Variants in ERICH5 observed in about 807,000 individuals in gnomAD.
The protein encoded by ERICH5 is glutamate rich 5, also known as glutamate-rich protein 5.
ERICH5 carries 24 observed loss-of-function variants against 28.0 expected under a neutral mutation model. The observed-to-expected ratio is 0.86, with a 90% CI of 0.62 to 1.21. The LOEUF is 1.21. ERICH5 is among the 50% of genes most tolerant of loss of function. ERICH5 has a pLI of 0.00. For synonymous variants in ERICH5, 163 were observed against 157.6 expected, an observed-to-expected ratio of 1.03 and a Z score of -0.25; for missense variants, 421 against 441.2, an observed-to-expected ratio of 0.95 and a Z score of 0.41.
Position 98,085,970 on chromosome 8 carries a change from G to A in ERICH5, c.59-3106G>A, listed in dbSNP as rs373435150. 1.9e-4 allele frequency among the ~76,000 whole-genome samples: 29 copies of A among 152,316 alleles called. No individual in the cohort carries two copies. In the East Asian group the frequency reaches 5.2e-3, roughly 27 times the overall value. On this transcript the variant is annotated intron_variant, in intron 1 of 2. Coordinates refer to ENST00000318528, the MANE Select transcript of ERICH5 (RefSeq NM_173549.3). Reference sequence around the variant, plus strand: ...GTGGTACCAGAGAGCAGAGCCTGTAGTTTTCATCTTTGTACGTAAACTGCT... The same window carrying A: ...GTGGTACCAGAGAGCAGAGCCTGTAATTTTCATCTTTGTACGTAAACTGCT...
chr8:98,074,782 G>C (rs1815019515), intron 1 of ERICH5, among the ~76,000 whole-genome samples: 1 of 152,154 alleles, frequency 6.6e-6, no homozygotes, highest in Non-Finnish European at 1.5e-5. Flanking sequence ...TCTTATGTTA[G>C]TAGGATATGT....
chr8:98,093,454 A>C lies in ERICH5; in HGVS notation c.*121A>C. ...TTTTCTGTAAGGAGTGTGGTTATAG[A>C]GAGACTGTTGGAACCATGAGAAGGA... On this transcript the variant is annotated 3_prime_UTR_variant, in exon 3 of 3. Transcript: ENST00000318528. The C allele has an allele frequency of 1.6e-6, 1 of 614,798 alleles. No individual in the cohort carries two copies. Among genetic ancestry groups the C allele is most frequent in the Non-Finnish European group, 2.8e-6 (1 of 359,184 alleles). 38.1% of individuals were successfully genotyped at this position (614,798 alleles called of 1,614,324 possible). A position where few individuals can be genotyped will look rare whatever the true frequency, so the allele number is the denominator to read the frequency against.
chr8:98,076,677 G>A (rs774374418), intron 1 of ERICH5, among the ~76,000 whole-genome samples: 10 of 152,160 alleles, frequency 6.6e-5, no homozygotes, highest in Non-Finnish European at 7.4e-5. Flanking sequence ...ATATAGGATT[G>A]TTCAATCTAG....
At chr8:98,079,485 T>C (rs1249208385) in intron 1 of ERICH5, among the ~76,000 whole-genome samples, 2 of 152,206 alleles carry the variant, frequency 1.3e-5, no homozygotes, top group African/African-American at 4.8e-5. Context: ...ATGGCCTTTA[T>C]TAACACCAAT....
chr8:98,093,387 TG>T lies in ERICH5; in HGVS notation c.*55del. 8.1e-7 allele frequency: 1 copy of T among 1,230,654 alleles called. No individual in the cohort carries two copies. Among genetic ancestry groups the T allele is most frequent in the East Asian group, 2.4e-5 (1 of 42,422 alleles). The allele number at this position is 1,230,654 out of a possible 1,614,324, so 76.2% of individuals were successfully genotyped here. A position where few individuals can be genotyped will look rare whatever the true frequency, so the allele number is the denominator to read the frequency against. On this transcript the variant is annotated 3_prime_UTR_variant, in exon 3 of 3. Transcript: ENST00000318528. ...ATCATAGAGGAGACAAAAATGGTAG[TG>T]AAGCTTGTGGTTATGTATCTTATCT...
chr8:98,083,021 T>C (rs754958377), intron 1 of ERICH5, among the ~76,000 whole-genome samples: 1 of 152,236 alleles, frequency 6.6e-6, no homozygotes, highest in African/African-American at 2.4e-5. Context: ...AGCTTTTTAT[T>C]GTGGGAGAAA....
In ERICH5 at chr8:98,070,903, A is replaced by G. The variant is rs113104065; in HGVS notation, c.58+6176A>G. On this transcript the variant is annotated intron_variant, in intron 1 of 2. Coordinates refer to ENST00000318528, the MANE Select transcript of ERICH5 (RefSeq NM_173549.3). ...GCTTAGAAAGAGTGTCGGGTTGTGT[A>G]TAGAGCCTCCTAGCTATGCAGGAAA... 3.2e-3 allele frequency among the ~76,000 whole-genome samples: 482 copies of G among 151,718 alleles called. 5 individuals carry two copies. Among genetic ancestry groups the G allele is most frequent in the African/African-American group, 0.011 (461 of 41,382 alleles).
At chr8:98,081,837 A>T (rs1312049622) in intron 1 of ERICH5, among the ~76,000 whole-genome samples, 1 of 151,954 alleles carries the variant, frequency 6.6e-6, no homozygotes. Flanking sequence ...CGGAGGCAGG[A>T]GAATTGCTTG....
chr8:98,076,512 C>A (rs1815058552), intron 1 of ERICH5, among the ~76,000 whole-genome samples: 2 of 151,990 alleles, frequency 1.3e-5, no homozygotes, highest in African/African-American at 4.8e-5. Context: ...TCACTTAAAC[C>A]AGCTCAGGCC....
At chr8:98,070,070 G>A (rs991427528) in intron 1 of ERICH5, among the ~76,000 whole-genome samples, 2 of 152,138 alleles carry the variant, frequency 1.3e-5, no homozygotes, top group African/African-American at 4.8e-5. Flanking sequence ...CTCAGAGCTA[G>A]TAGGTCTAGT....
At chr8:98,066,155 AAG>A (rs1814816776) in intron 1 of ERICH5, among the ~76,000 whole-genome samples, 1 of 152,240 alleles carries the variant, frequency 6.6e-6, no homozygotes, top group Non-Finnish European at 1.5e-5. Context: ...TACCTGCAAC[AAG>A]AGGACAGAGC....
rs946078880 is a variant in ERICH5 at position 98,093,579 on chromosome 8, C to T, written c.*246C>T. 4 of 291,666 alleles carry T rather than the reference C, an allele frequency of 1.4e-5. No individual in the cohort carries two copies. Among genetic ancestry groups the T allele is most frequent in the African/African-American group, 6.5e-5 (3 of 45,950 alleles). 18.1% of individuals were successfully genotyped at this position (291,666 alleles called of 1,614,324 possible). ...GTTATACATTTAAAAGTATAAAAAC[C>T]AAAGCCAATAAAAATGATGTGATTA... On this transcript the variant is annotated 3_prime_UTR_variant, in exon 3 of 3. Coordinates refer to ENST00000318528, the MANE Select transcript of ERICH5 (RefSeq NM_173549.3).
intron 1 of ERICH5, among the ~76,000 whole-genome samples, chr8:98,081,133 T>A (rs762081476): frequency 2.0e-4 from 31 of 151,990 alleles, no homozygotes; most frequent in Non-Finnish European, 3.8e-4. Context: ...TGAAACAGGG[T>A]CTTGCTCTGT....
intron 1 of ERICH5, among the ~76,000 whole-genome samples, chr8:98,085,049 C>T (rs1157574259): frequency 1.3e-5 from 2 of 150,908 alleles, no homozygotes; most frequent in African/African-American, 2.4e-5. Flanking sequence ...ATAATTATTC[C>T]GAAAATCATC....
chr8:98,067,910 A>G (rs1001908), intron 1 of ERICH5, among the ~76,000 whole-genome samples: 11 of 152,132 alleles, frequency 7.2e-5, no homozygotes, highest in African/African-American at 2.4e-4. Context: ...GGCCTATACT[A>G]TATATATTAT....
intron 1 of ERICH5, among the ~76,000 whole-genome samples, chr8:98,083,754 C>T (rs761532378): frequency 2.0e-5 from 3 of 152,188 alleles, no homozygotes; most frequent in Admixed American, 6.5e-5. Flanking sequence ...GAGATTTATA[C>T]GTCCAACAGC....
intron 1 of ERICH5, among the ~76,000 whole-genome samples, chr8:98,079,232 G>A (rs918613135): frequency 6.5e-5 from 9 of 139,394 alleles, no homozygotes; most frequent in Middle Eastern, 4.2e-3. Flanking sequence ...ATGCAGTGGC[G>A]CAATCATGGC....
chr8:98,081,303 G>T (rs181963232), intron 1 of ERICH5, among the ~76,000 whole-genome samples: 1 of 151,570 alleles, frequency 6.6e-6, no homozygotes, highest in Admixed American at 6.6e-5. Flanking sequence ...GACAGGTTTC[G>T]CCATGTTGTC....
In ERICH5 at chr8:98,093,472, GAGA is replaced by G; in HGVS notation, c.*142_*144del. The G allele has an allele frequency of 1.9e-6, 1 of 532,858 alleles. No individual in the cohort carries two copies. The highest frequency in any genetic ancestry group is 3.1e-5 in the East Asian group (1 of 32,396). The allele number at this position is 532,858 out of a possible 1,614,324, so 33.0% of individuals were successfully genotyped here. A position where few individuals can be genotyped will look rare whatever the true frequency, so the allele number is the denominator to read the frequency against. Reference sequence around the variant, plus strand: ...GTTATAGAGAGACTGTTGGAACCATGAGAAGGATGTTTCTGTGTTCTTGATTAT... The same window carrying G: ...GTTATAGAGAGACTGTTGGAACCATGAGGATGTTTCTGTGTTCTTGATTAT... On this transcript the variant is annotated 3_prime_UTR_variant, in exon 3 of 3. Transcript: ENST00000318528.
Sources: gnomAD v4.1 joint callset for allele counts (sites outside exome capture counted in the v4.1 genomes callset) on GRCh38, gnomAD v4.1.1 for gene constraint, MANE v1.5 for transcripts, NCBI Gene and HGNC (gene_info 2026-07-23, HGNC 2026-07-21) for gene names.